The following MDN1 variants were observed in gnomAD, a reference collection of about 807,000 sequenced individuals.
MDN1 encodes midasin.
A neutral mutation model predicts 669.2 loss-of-function variants in MDN1; 266 were observed. The ratio of observed to expected loss-of-function variants is 0.40; its 90% CI spans 0.36 to 0.44. MDN1 has a LOEUF of 0.44. MDN1 is among the 20% of genes least tolerant of loss of function. The pLI, the probability that MDN1 is intolerant of heterozygous loss-of-function variation, is 1.00. For synonymous variants in MDN1, 2,385 were observed against 2,457.1 expected (o/e 0.97, Z 0.87); for missense variants, 5,940 against 6,754.0 (o/e 0.88, Z 4.22).
At chr6:89,644,410 G>GA (rs1808347633) in intron 101 of MDN1, among the ~76,000 whole-genome samples, 1 of 151,998 alleles carries the variant, frequency 6.6e-6, no homozygotes, top group South Asian at 2.1e-4. Flanking sequence ...GATGGACACT[G>GA]AAAAAAAGGA....
At chr6:89,665,638 T>C (rs923548263) in intron 84 of MDN1, among the ~76,000 whole-genome samples, 2 of 136,510 alleles carry the variant, frequency 1.5e-5, no homozygotes, top group African/African-American at 2.7e-5. Flanking sequence ...ATCCGGGAGG[T>C]GGAGGTTGTG....
At chr6:89,664,331 A>G (rs530764286) in intron 85 of MDN1, among the ~76,000 whole-genome samples, 156 bp downstream of exon 85, 24 of 152,356 alleles carry the variant, frequency 1.6e-4, no homozygotes, top group Admixed American at 1.3e-3. Context: ...AGGTGGTGAT[A>G]GCACATGCAG....
intron 85 of MDN1, 124 bp downstream of exon 85, chr6:89,664,363 C>T: frequency 8.0e-7 from 1 of 1,242,298 alleles, no homozygotes; most frequent in East Asian, 2.3e-5. Flanking sequence ...TTCATTTGCA[C>T]TTAAGCACAG....
rs560924476 is a variant in MDN1 at position 89,713,456 on chromosome 6, A to G, written c.7070-160T>C. ...GTAGACTCTAGAGTCCTCCGAGGGC[A>G]CAAAGGACCTGTAGGAACCTTTGTA... On this transcript the variant is annotated intron_variant, in intron 46 of 101. Transcript: ENST00000369393. 2.6e-5 allele frequency among the ~76,000 whole-genome samples: 4 copies of G among 152,326 alleles called. No individual in the cohort carries two copies. The East Asian group carries it at 7.7e-4, about 29-fold the overall frequency.
At position 89,699,245 on chromosome 6, in the gene MDN1, T is replaced by C. The variant is rs191307401; in HGVS notation, c.8998-210A>G. Among the ~76,000 whole-genome samples, 339 of 152,308 alleles carry C rather than the reference T, an allele frequency of 2.2e-3. 1 individual carries two copies. The highest frequency in any genetic ancestry group is 7.9e-3 in the African/African-American group (327 of 41,560). On this transcript the variant is annotated intron_variant, in intron 58 of 101. Coordinates refer to ENST00000369393, the MANE Select transcript of MDN1 (RefSeq NM_014611.3). ...TAAAGCTGTACTAATGAAATTCTAT[T>C]AACAGGAGTGTACCAGTATTCATAT...
chr6:89,695,990 C>A lies in MDN1; in HGVS notation c.9386G>T (p.Arg3129Leu), dbSNP rs772130955. 1 of 1,603,138 alleles carries A rather than the reference C, an allele frequency of 6.2e-7. No homozygotes were observed. The highest frequency in any genetic ancestry group is 8.5e-7 in the Non-Finnish European group (1 of 1,173,824). Residue 3129 changes from arginine (R) to leucine (L), a missense_variant and splice_region_variant, in exon 61 of 102, where the codon CGC becomes CTC. By Grantham distance (102) the Arg-to-Leu change is moderately radical. This residue lies in a region of MDN1 where 2,292 missense variants were observed against 2,638.3 expected (regional missense o/e 0.87). Coordinates refer to ENST00000369393, the MANE Select transcript of MDN1 (RefSeq NM_014611.3). The surrounding 1 kb of genome is among the most constrained non-coding windows in gnomAD (Gnocchi z 4.1). ...CTGCCCCTGGAGTTGGGAATCCGTG[C>A]GTCTGTGGGGACAAAAAGAAAGCAC... ...MAISSVAEFR[R>L]TDSQLQGQVL...
intron 32 of MDN1, 112 bp downstream of exon 32, chr6:89,740,111 ACACTTTTTACC>A (rs1471743023): frequency 1.8e-5 from 20 of 1,121,032 alleles, no homozygotes; most frequent in African/African-American, 1.2e-4. Context: ...TTGAGTTTTT[ACACTTTTTACC>A]CACTTTTTAC....
At chr6:89,718,337 T>A (rs1317552363) in intron 43 of MDN1, 29 bp downstream of exon 43, 1 of 1,601,310 alleles carries the variant, frequency 6.2e-7, no homozygotes, top group Admixed American at 1.7e-5. Context: ...AATGGTAAGT[T>A]CCTGATACAG....
chr6:89,803,820 A>G (rs1767825425), intron 1 of MDN1, among the ~76,000 whole-genome samples: 1 of 148,604 alleles, frequency 6.7e-6, no homozygotes, highest in East Asian at 2.0e-4. Flanking sequence ...TGACCTCGTG[A>G]TCCGCCCGCC....
intron 59 of MDN1, among the ~76,000 whole-genome samples, chr6:89,698,453 T>C (rs1238028050): frequency 6.6e-6 from 1 of 152,232 alleles, no homozygotes; most frequent in Non-Finnish European, 1.5e-5. Context: ...TGGAATGACA[T>C]ACACATTTCT....
At chr6:89,762,551 T>C in intron 15 of MDN1, 21 bp from the exon 16 acceptor site, 1 of 1,562,106 alleles carries the variant, frequency 6.4e-7, no homozygotes. Flanking sequence ...CACAGGTAAA[T>C]GTGATTCACA....
chr6:89,697,674 C>T (rs993186607), intron 59 of MDN1, among the ~76,000 whole-genome samples: 5 of 152,066 alleles, frequency 3.3e-5, no homozygotes, highest in South Asian at 4.2e-4. Flanking sequence ...CTCTGCCTCC[C>T]AGGCCCAAGC....
At chr6:89,759,004 G>A (rs1027096094) in intron 17 of MDN1, 44 bp from the exon 18 acceptor site, 25 of 1,582,072 alleles carry the variant, frequency 1.6e-5, no homozygotes, top group East Asian at 2.2e-5. Context: ...GTCAAATAAA[G>A]GCACACTTGC....
rs954091343 is a variant in MDN1 at position 89,661,425 on chromosome 6, A to T, written c.14713+6T>A. On this transcript the variant is annotated splice_donor_region_variant and intron_variant, in intron 88 of 101. Transcript: ENST00000369393. ...TAACCGGTCTCTTTGTTTCTGAAAGACGCACCTTCTCCTTCTTCATTGTCG... is the reference window on the plus strand; with the variant it reads ...TAACCGGTCTCTTTGTTTCTGAAAGTCGCACCTTCTCCTTCTTCATTGTCG... 1.2e-6 allele frequency: 2 copies of T among 1,608,862 alleles called. No homozygotes were observed. Among genetic ancestry groups the T allele is most frequent in the African/African-American group, 2.7e-5 (2 of 74,502 alleles).
At position 89,688,023 on chromosome 6, in the gene MDN1, G is replaced by A. The variant is rs973588105; in HGVS notation, c.11355+55C>T. 12 of 1,402,242 alleles carry A rather than the reference G, an allele frequency of 8.6e-6. 1 individual carries two copies. Among genetic ancestry groups the A allele is most frequent in the African/African-American group, 4.3e-5 (3 of 70,540 alleles). The allele number at this position is 1,402,242 out of a possible 1,614,324, so 86.9% of individuals were successfully genotyped here. On this transcript the variant is annotated intron_variant, in intron 67 of 101. Transcript: ENST00000369393. The stretch of plus-strand genomic sequence containing the variant: ...TCTAACAACAAAGGTGCCACAAGAC[G>A]TATCTTTTGCCAACTGACCACCAAC...
intron 51 of MDN1, 146 bp from the exon 52 acceptor site, chr6:89,707,622 A>G (rs1813602636): frequency 1.6e-6 from 1 of 639,574 alleles, no homozygotes; most frequent in Non-Finnish European, 2.8e-6. Context: ...GACTAAAGAG[A>G]TGGAGATGAA....
chr6:89,782,565 C>T (rs554475190), intron 9 of MDN1, among the ~76,000 whole-genome samples: 1 of 151,782 alleles, frequency 6.6e-6, no homozygotes, highest in East Asian at 1.9e-4. Flanking sequence ...TGCACCACTG[C>T]ACTCTAGCCT....
At chr6:89,771,891 A>G (rs1029967743) in intron 14 of MDN1, among the ~76,000 whole-genome samples, 2 of 152,054 alleles carry the variant, frequency 1.3e-5, no homozygotes, top group Non-Finnish European at 2.9e-5. Flanking sequence ...AATTTTTTGT[A>G]GAGACAGGGT....
At position 89,689,880 on chromosome 6, in the gene MDN1, G is replaced by A; in HGVS notation, c.11013C>T (p.Tyr3671=). The A allele has an allele frequency of 6.2e-7, 1 of 1,614,010 alleles. No homozygotes were observed. The highest frequency in any genetic ancestry group is 8.5e-7 in the Non-Finnish European group (1 of 1,180,000). The change falls in exon 65 of 102, where the codon TAC becomes TAT. Residue 3671 remains tyrosine (Y), a synonymous_variant. Transcript: ENST00000369393. The part of the protein sequence containing the change: ...QTGASLVTHF[Y]PLMGVELNDR... ...AGTAAACTACCATACCCATCAGGGG[G>A]TAGAAGTGTGTCACAAGCGATGCCC...
Sources: allele counts gnomAD v4.1 joint callset (sites outside exome capture counted in the v4.1 genomes callset), GRCh38; gene constraint gnomAD v4.1.1; regional missense constraint gnomAD v4.1.1; non-coding constraint Gnocchi (gnomAD v3.1); transcripts MANE v1.5; gene names NCBI Gene and HGNC (gene_info 2026-07-23, HGNC 2026-07-21).